Variants in DNAH9 observed in about 807,000 individuals in gnomAD.
DNAH9 encodes the protein dynein axonemal heavy chain 9, also known as DNAH9 variant protein.
Under a neutral mutation model 471.6 loss-of-function variants are expected in DNAH9, and 345 were observed. The ratio of observed to expected loss-of-function variants is 0.73; its 90% CI spans 0.67 to 0.80. The LOEUF (loss-of-function observed/expected upper bound fraction) is 0.80, where lower values mean the gene tolerates loss of function less well. Ranked by LOEUF, DNAH9 falls within the 30% of genes least tolerant of loss-of-function variation. DNAH9 has a pLI of 0.00. For missense variants in DNAH9, 5,407 were observed against 5,609.2 expected (o/e 0.96, Z 1.15); for synonymous variants, 2,093 against 2,123.6 (o/e 0.99, Z 0.40).
rs771856961 is a variant in DNAH9 at position 11,822,988 on chromosome 17, AGCG to A, written c.9202_9204del (p.Arg3068del). On this transcript the variant is annotated inframe_deletion, in exon 48 of 69. Coordinates refer to ENST00000262442, the MANE Select transcript of DNAH9 (RefSeq NM_001372.4). ...AGAAAAGAGCTCAAGTGCAAGACAG[AGCG>A]GTTGGAGAACGGGCTGCTGAAGCTG... 6.2e-7 allele frequency: 1 copy of A among 1,614,026 alleles called. No homozygotes were observed. The highest frequency in any genetic ancestry group is 1.3e-5 in the African/African-American group (1 of 74,922).
At chr17:11,934,762 G>A (rs146709638) in intron 65 of DNAH9, among the ~76,000 whole-genome samples, 2 of 151,832 alleles carry the variant, frequency 1.3e-5, no homozygotes, top group African/African-American at 4.8e-5. Context: ...TGACAAAGCC[G>A]TTTTTCATGG....
chr17:11,791,582 G>A (rs796390780), intron 41 of DNAH9, among the ~76,000 whole-genome samples: 21 of 152,114 alleles, frequency 1.4e-4, no homozygotes, highest in African/African-American at 4.1e-4. Flanking sequence ...GTGGTGGTGC[G>A]TGCCTATAAT....
At chr17:11,905,907 A>G (rs1374272373) in intron 61 of DNAH9, 98 bp downstream of exon 61, 1 of 1,385,192 alleles carries the variant, frequency 7.2e-7, no homozygotes, top group Non-Finnish European at 9.6e-7. Context: ...CAAGCTTCAA[A>G]TATGCAACAC....
chr17:11,811,872 C>T (rs532410656), intron 45 of DNAH9, among the ~76,000 whole-genome samples: 1 of 149,864 alleles, frequency 6.7e-6, no homozygotes, highest in Non-Finnish European at 1.5e-5. Flanking sequence ...GGCCTGTAAT[C>T]CCAGCTACTT....
In DNAH9 at chr17:11,739,057, C is replaced by T. The variant is rs2150831884; in HGVS notation, c.5972+20C>T. On this transcript the variant is annotated intron_variant, in intron 29 of 68. Transcript: ENST00000262442. The stretch of plus-strand genomic sequence containing the variant: ...CTTCAGGTGAGTGTCAGTTCTGCCC[C>T]ATGCAAAAGCCCCAAAAGAGAAGTT... 1 of 1,545,508 alleles carries T rather than the reference C, an allele frequency of 6.5e-7. No homozygotes were observed. Among genetic ancestry groups the T allele is most frequent in the East Asian group, 2.3e-5 (1 of 43,360 alleles).
intron 48 of DNAH9, among the ~76,000 whole-genome samples, chr17:11,830,771 G>A (rs1970661375): frequency 6.6e-6 from 1 of 152,140 alleles, no homozygotes; most frequent in African/African-American, 2.4e-5. Flanking sequence ...CAAAGATAGG[G>A]CTTAATTTGA....
intron 6 of DNAH9, among the ~76,000 whole-genome samples, chr17:11,620,163 C>T (rs544519543): frequency 5.7e-4 from 85 of 149,852 alleles, no homozygotes; most frequent in African/African-American, 2.0e-3. Flanking sequence ...TGCAGTGAGT[C>T]GAAATTGTGC....
intron 27 of DNAH9, among the ~76,000 whole-genome samples, chr17:11,723,839 T>G (rs1224377774): frequency 6.6e-6 from 1 of 151,464 alleles, no homozygotes; most frequent in Non-Finnish European, 1.5e-5. Context: ...GGCTAATTGG[T>G]TTTTTTTGTA....
At chr17:11,720,923 C>T (rs1420276362) in intron 27 of DNAH9, among the ~76,000 whole-genome samples, 2 of 152,094 alleles carry the variant, frequency 1.3e-5, no homozygotes, top group East Asian at 3.9e-4. Flanking sequence ...AGTTTTCTCC[C>T]CCCTTTATAG....
At chr17:11,934,150 C>T in intron 65 of DNAH9, 79 bp downstream of exon 65, 2 of 1,474,960 alleles carry the variant, frequency 1.4e-6, no homozygotes, top group Non-Finnish European at 9.2e-7. Context: ...CGACCTGCAC[C>T]ACCAGGGAAG....
chr17:11,741,578 T>G (rs1322465186), intron 29 of DNAH9, among the ~76,000 whole-genome samples: 5 of 152,194 alleles, frequency 3.3e-5, no homozygotes, highest in African/African-American at 1.2e-4. Context: ...ATAGGGGAAC[T>G]CTCAGTTTCT....
chr17:11,630,162 C>T lies in DNAH9; in HGVS notation c.1518+578C>T, dbSNP rs201765318. ...ACAATACTGTATTGCAGGCCAGGTG[C>T]GGTGGCTCACGCCTGTAATCCCAGC... On this transcript the variant is annotated intron_variant, in intron 7 of 68. Transcript: ENST00000262442. 7.2e-5 allele frequency: 11 copies of T among 152,692 alleles called. No homozygotes were observed. In the East Asian group the frequency reaches 1.3e-3, roughly 19 times the overall value. 9.5% of individuals were successfully genotyped at this position (152,692 alleles called of 1,614,324 possible).
chr17:11,649,774 T>C (rs933584996), intron 12 of DNAH9, among the ~76,000 whole-genome samples: 2 of 152,208 alleles, frequency 1.3e-5, no homozygotes, highest in African/African-American at 4.8e-5. Flanking sequence ...TTTTATCATA[T>C]ATTCATTACT....
At chr17:11,898,227 C>T (rs1299673969) in intron 59 of DNAH9, among the ~76,000 whole-genome samples, 7 of 151,898 alleles carry the variant, frequency 4.6e-5, no homozygotes, top group Admixed American at 2.0e-4. Flanking sequence ...CGGGTTCAAG[C>T]GATTCTCCTG....
intron 29 of DNAH9, among the ~76,000 whole-genome samples, chr17:11,740,702 T>A (rs2075420148): frequency 6.6e-6 from 1 of 152,174 alleles, no homozygotes; most frequent in African/African-American, 2.4e-5. Flanking sequence ...AGTACTAGTT[T>A]CTCCAGTGTT....
intron 19 of DNAH9, among the ~76,000 whole-genome samples, chr17:11,685,015 T>C (rs2074214258): frequency 6.6e-6 from 1 of 152,206 alleles, no homozygotes; most frequent in Non-Finnish European, 1.5e-5. Flanking sequence ...GATGAGGTTA[T>C]GGTCTCAGCA....
At chr17:11,619,838 G>T (rs1013227830) in intron 6 of DNAH9, 57 bp downstream of exon 6, 3 of 1,010,764 alleles carry the variant, frequency 3.0e-6, no homozygotes, top group Middle Eastern at 2.1e-4. Flanking sequence ...GCAGTCCAGG[G>T]GTCCAAAAAG....
rs1157951570 is a variant in DNAH9, at chr17:11,790,625, GC to G, written c.8062-2876del. Among the ~76,000 whole-genome samples, 3 of 151,936 alleles carry G rather than the reference GC, an allele frequency of 2.0e-5. No individual in the cohort carries two copies. In the East Asian group the frequency reaches 5.8e-4, roughly 29 times the overall value. ...CTTTAAAGTCCCACCTGACAACATT[GC>G]CTTTTAATTACAATGTTTAGCTCAT... is the stretch of plus-strand genomic sequence containing the variant. On this transcript the variant is annotated intron_variant, in intron 41 of 68. Coordinates refer to ENST00000262442, the MANE Select transcript of DNAH9 (RefSeq NM_001372.4).
chr17:11,629,517 A>C lies in DNAH9; in HGVS notation c.1451A>C (p.Glu484Ala), dbSNP rs774990587. The change falls in exon 7 of 69, where the codon GAA (glutamate) becomes GCA (alanine). Residue 484 changes from glutamate to alanine, a missense_variant. This residue lies in a region of DNAH9 where 767 missense variants were observed against 692.5 expected (regional missense o/e 1.11). Coordinates refer to ENST00000262442, the MANE Select transcript of DNAH9 (RefSeq NM_001372.4). ...ALSQQVQQMH[E>A]EFQEMYRLLS... Reference sequence around the variant, plus strand: ...AGTCAGCAGGTCCAGCAAATGCATGAAGAATTTCAAGAGATGTACAGGCTT... The same window carrying C: ...AGTCAGCAGGTCCAGCAAATGCATGCAGAATTTCAAGAGATGTACAGGCTT... 3 of 1,614,052 alleles carry C rather than the reference A, an allele frequency of 1.9e-6. No homozygotes were observed. The African/African-American group carries it at 4.0e-5, about 22-fold the overall frequency.
Sources: allele counts gnomAD v4.1 joint callset (sites outside exome capture counted in the v4.1 genomes callset), GRCh38; gene constraint gnomAD v4.1.1; regional missense constraint gnomAD v4.1.1; transcripts MANE v1.5; gene names NCBI Gene and HGNC (gene_info 2026-07-23, HGNC 2026-07-21).